Variants in MEI1 observed in about 807,000 individuals in gnomAD.
The protein encoded by MEI1 is meiotic double-stranded break formation protein 1, also known as meiosis inhibitor protein 1.
MEI1 carries 103 observed loss-of-function variants against 146.2 expected under a neutral mutation model. That is an observed-to-expected ratio of 0.70 (90% confidence interval 0.60 to 0.83). The LOEUF is 0.83. Ranked by LOEUF, MEI1 falls within the 40% of genes least tolerant of loss-of-function variation. MEI1 has a pLI of 0.00. For missense variants in MEI1, 1,529 were observed against 1,533.0 expected, an observed-to-expected ratio of 1.00 and a Z score of 0.04; for synonymous variants, 652 against 628.2, an observed-to-expected ratio of 1.04 and a Z score of -0.57.
chr22:41,705,771 A>G lies in MEI1; in HGVS notation c.349+217A>G, dbSNP rs151195076. Among the ~76,000 whole-genome samples, 7,892 of 148,876 alleles carry G rather than the reference A, an allele frequency of 0.053. 663 individuals carry two copies. The highest frequency in any genetic ancestry group is 0.18 in the African/African-American group (7,440 of 40,292). The stretch of plus-strand genomic sequence containing the variant: ...TGCCCAGGCTGGAGTGCGGTGGTGC[A>G]ATCTCAGCTCACTGCAACCTCTGCC... On this transcript the variant is annotated intron_variant, in intron 3 of 30. Coordinates refer to ENST00000401548, the MANE Select transcript of MEI1 (RefSeq NM_152513.4).
At chr22:41,751,389 G>C (rs921801500) in intron 15 of MEI1, among the ~76,000 whole-genome samples, 2 of 152,186 alleles carry the variant, frequency 1.3e-5, no homozygotes, top group Admixed American at 6.5e-5. Context: ...AGTGGCCCAG[G>C]GAAGGCAGAA....
chr22:41,767,628 T>C (rs931445802), intron 19 of MEI1: 2 of 454,626 alleles, frequency 4.4e-6, no homozygotes, highest in East Asian at 1.4e-4. Context: ...CACAACTCTA[T>C]GCCGATGATT....
At chr22:41,780,697 C>T (rs2075716302) in intron 22 of MEI1, among the ~76,000 whole-genome samples, 1 of 151,702 alleles carries the variant, frequency 6.6e-6, no homozygotes, top group Non-Finnish European at 1.5e-5. Flanking sequence ...CCTTCCACCT[C>T]AGCCTCTCGA....
chr22:41,750,964 G>A (rs998809412), intron 15 of MEI1, among the ~76,000 whole-genome samples: 1 of 152,082 alleles, frequency 6.6e-6, no homozygotes, highest in African/African-American at 2.4e-5. Context: ...GGCAAGTGTA[G>A]ATCTCTTGGG....
Position 41,737,919 on chromosome 22 carries a change from A to AAG in MEI1, c.1332-5161_1332-5160insAG, listed in dbSNP as rs539109766. ...AAGGTGCTTGAAATCTTAAAAAATA[A>AAG]TAATAATAACCGAGGAAACCCATAT... On this transcript the variant is annotated intron_variant, in intron 11 of 30. Coordinates refer to ENST00000401548, the MANE Select transcript of MEI1 (RefSeq NM_152513.4). Among the ~76,000 whole-genome samples the AAG allele has an allele frequency of 5.3e-4, 80 of 152,006 alleles. 2 individuals carry two copies. The Middle Eastern group carries it at 0.027, about 52-fold the overall frequency.
chr22:41,727,472 A>G (rs1389056787), intron 7 of MEI1, among the ~76,000 whole-genome samples: 2 of 152,280 alleles, frequency 1.3e-5, no homozygotes, highest in African/African-American at 4.8e-5. Flanking sequence ...TGCCTGATCT[A>G]AAAATTCTGA....
At chr22:41,709,413 G>A in intron 3 of MEI1, 1 of 702,980 alleles carries the variant, frequency 1.4e-6, no homozygotes, top group Non-Finnish European at 2.6e-6. Flanking sequence ...ACAACCTTGT[G>A]GATCTTCTCT....
intron 26 of MEI1, 138 bp from the exon 27 acceptor site, chr22:41,793,691 G>T (rs1282763970): frequency 2.9e-6 from 2 of 701,620 alleles, no homozygotes; most frequent in Non-Finnish European, 4.7e-6. Context: ...AACATTTCTT[G>T]ATTATCTACA....
chr22:41,751,915 C>G (rs2073780419), intron 15 of MEI1, among the ~76,000 whole-genome samples: 1 of 150,116 alleles, frequency 6.7e-6, no homozygotes, highest in African/African-American at 2.5e-5. Flanking sequence ...ACTAAAAATA[C>G]AAAAATTAGC....
intron 21 of MEI1, among the ~76,000 whole-genome samples, chr22:41,777,931 T>C (rs2075549499): frequency 6.6e-6 from 1 of 151,470 alleles, no homozygotes. Context: ...TCTTCTTCTT[T>C]TCTTCTTCTC....
intron 1 of MEI1, among the ~76,000 whole-genome samples, chr22:41,700,905 G>A (rs887123299): frequency 2.0e-5 from 3 of 151,444 alleles, no homozygotes; most frequent in Non-Finnish European, 4.4e-5. Flanking sequence ...CACCGTGCCT[G>A]GCTGCGTTCT....
Position 41,799,250 on chromosome 22 carries a change from C to T in MEI1, c.3780-4C>T, listed in dbSNP as rs768179927. On this transcript the variant is annotated splice_region_variant and splice_polypyrimidine_tract_variant and intron_variant, in intron 30 of 30. Coordinates refer to ENST00000401548, the MANE Select transcript of MEI1 (RefSeq NM_152513.4). Reference sequence around the variant, plus strand: ...GCTGTTTTCCTCTCATGTTTTGCTGCCAGCTGCCTGGGAGGGGTGGCTGTA... The same window carrying T: ...GCTGTTTTCCTCTCATGTTTTGCTGTCAGCTGCCTGGGAGGGGTGGCTGTA... The T allele has an allele frequency of 2.5e-6, 4 of 1,613,062 alleles. No homozygotes were observed. The highest frequency in any genetic ancestry group is 1.7e-5 in the Admixed American group (1 of 59,982).
intron 1 of MEI1, among the ~76,000 whole-genome samples, chr22:41,702,455 C>CT (rs771593422): frequency 0.013 from 1,829 of 139,584 alleles, 38 homozygotes; most frequent in African/African-American, 0.043. Context: ...CACTTTTTTT[C>CT]TTTTTTTTTT....
rs942956657 is a variant in MEI1 at position 41,795,270 on chromosome 22, C to A, written c.3535-141C>A. The A allele has an allele frequency of 2.0e-5, 22 of 1,123,602 alleles. No homozygotes were observed. The highest frequency in any genetic ancestry group is 2.7e-5 in the Non-Finnish European group (21 of 784,562). 69.6% of individuals were successfully genotyped at this position (1,123,602 alleles called of 1,614,324 possible). ...CCCCATGACACAGTCCCACCTCTGC[C>A]CACTAACTCTGAGCTCCTTGAAGGC... On this transcript the variant is annotated intron_variant, in intron 28 of 30. Coordinates refer to ENST00000401548, the MANE Select transcript of MEI1 (RefSeq NM_152513.4). This position sits in a 1 kb window ranked among gnomAD's most constrained non-coding sequence, Gnocchi z 4.2.
intron 1 of MEI1, among the ~76,000 whole-genome samples, chr22:41,702,302 G>A (rs1390160123): frequency 6.6e-6 from 1 of 151,772 alleles, no homozygotes; most frequent in Non-Finnish European, 1.5e-5. Context: ...CACCATGCAC[G>A]GCTAATTTTT....
rs138903167 is a variant in MEI1 at position 41,740,145 on chromosome 22, G to A, written c.1332-2935G>A. Among the ~76,000 whole-genome samples, 741 of 151,826 alleles carry A rather than the reference G, an allele frequency of 4.9e-3. 2 individuals are homozygous for A. The highest frequency in any genetic ancestry group is 0.015 in the African/African-American group (640 of 41,410). The stretch of plus-strand genomic sequence containing the variant: ...AACGATTCTCCTGCCTTAGCCTCGC[G>A]AGTAGCTGGGACTACAGGTGCCCGC... On this transcript the variant is annotated intron_variant, in intron 11 of 30. Transcript: ENST00000401548.
At chr22:41,789,201 A>T (rs901597532) in intron 26 of MEI1, among the ~76,000 whole-genome samples, 1 of 152,160 alleles carries the variant, frequency 6.6e-6, no homozygotes, top group African/African-American at 2.4e-5. Flanking sequence ...AATCCCAGCT[A>T]CTTGGGAGGC....
chr22:41,771,098 G>A lies in MEI1; in HGVS notation c.2544+137G>A. 2.1e-6 allele frequency: 2 copies of A among 959,738 alleles called. 1 individual carries two copies. Among genetic ancestry groups the A allele is most frequent in the South Asian group, 3.2e-5 (2 of 62,952 alleles). 59.5% of individuals were successfully genotyped at this position (959,738 alleles called of 1,614,324 possible). On this transcript the variant is annotated intron_variant, in intron 20 of 30. Transcript: ENST00000401548. ...CTTATCACTGTCTGCATGTGAGTTG[G>A]AGGGGTGGTGGTCTCTTCTACTTGT...
chr22:41,726,546 A>G (rs1569188802), intron 7 of MEI1, among the ~76,000 whole-genome samples: 1 of 152,172 alleles, frequency 6.6e-6, no homozygotes, highest in African/African-American at 2.4e-5. Flanking sequence ...ACCAAGAATC[A>G]TTGTTTTAAT....
Sources: gnomAD v4.1 joint callset for allele counts (sites outside exome capture counted in the v4.1 genomes callset) on GRCh38, gnomAD v4.1.1 for gene constraint, Gnocchi (gnomAD v3.1) non-coding constraint, MANE v1.5 for transcripts, NCBI Gene and HGNC (gene_info 2026-07-23, HGNC 2026-07-21) for gene names.